CHN2: variants seen among roughly 807,000 people sequenced by gnomAD.
CHN2 encodes beta-chimaerin.
CHN2 carries 35 observed loss-of-function variants against 56.3 expected under a neutral mutation model. That is an observed-to-expected ratio of 0.62 (90% CI 0.47 to 0.82). The LOEUF (loss-of-function observed/expected upper bound fraction) is 0.82, where lower values mean the gene tolerates loss of function less well. Among genes scored for constraint, CHN2 ranks in the 40% least tolerant of loss-of-function variants. The pLI is 0.00. For missense variants in CHN2, 491 were observed against 580.5 expected (o/e 0.85, Z 1.58); for synonymous variants, 210 against 212.8 (o/e 0.99, Z 0.12).
upstream of CHN2, chr7:29,193,285 A>G (rs1476433763): frequency 6.6e-6 from 1 of 152,104 alleles, no homozygotes; most frequent in African/African-American, 2.4e-5. Flanking sequence ...CTAATCAACT[A>G]GAAAATGTGA....
chr7:29,254,986 G>A (rs1240289403), intron 1 of CHN2, among the ~76,000 whole-genome samples: 1 of 152,166 alleles, frequency 6.6e-6, no homozygotes, highest in Non-Finnish European at 1.5e-5. Context: ...CCAAGAGAGC[G>A]TGCAGGTCAT....
In CHN2 at chr7:29,265,423, C is replaced by T. The variant is rs541612751; in HGVS notation, c.49+70433C>T. On this transcript the variant is annotated intron_variant, in intron 1 of 12. Transcript: ENST00000222792. ...ACTCTCTTGAAACCTCTGGAAACCT[C>T]GTGCTCTTTTGAGTTTGACTTCTGC... Among the ~76,000 whole-genome samples the T allele has an allele frequency of 3.3e-5, 5 of 152,336 alleles. No individual in the cohort carries two copies. In the South Asian group the frequency reaches 8.3e-4, roughly 25 times the overall value.
chr7:29,504,720 A>G, intron 9 of CHN2, 24 bp from the exon 10 acceptor site: 66 of 1,316,874 alleles, frequency 5.0e-5, no homozygotes, highest in Non-Finnish European at 6.5e-5. Context: ...AGCTAAAGTC[A>G]GTCTCTCTCT....
At chr7:29,368,103 G>A in intron 3 of CHN2, 116 bp downstream of exon 3, 1 of 760,218 alleles carries the variant, frequency 1.3e-6, no homozygotes, top group Non-Finnish European at 1.9e-6. Flanking sequence ...ACATTTGTTG[G>A]AGTGTCAAAA....
chr7:29,425,560 T>A (rs1443739307), intron 6 of CHN2, among the ~76,000 whole-genome samples: 6 of 152,316 alleles, frequency 3.9e-5, no homozygotes, highest in Non-Finnish European at 1.5e-5. Flanking sequence ...CCACTTATCT[T>A]ATGGATCCTA....
At chr7:29,483,992 T>G (rs1562646501) in intron 7 of CHN2, 1 of 692,274 alleles carries the variant, frequency 1.4e-6, no homozygotes, top group African/African-American at 1.9e-5. Context: ...ATTCATTTGA[T>G]GTTAGCATCT....
At chr7:29,486,978 G>A (rs1229983328) in intron 7 of CHN2, among the ~76,000 whole-genome samples, 1 of 152,170 alleles carries the variant, frequency 6.6e-6, no homozygotes, top group Admixed American at 6.5e-5. Flanking sequence ...CCGCATGCAA[G>A]CCCCTCTCTC....
At chr7:29,472,272 T>TAC (rs113034467) in intron 6 of CHN2, among the ~76,000 whole-genome samples, 21,076 of 112,136 alleles carry the variant, frequency 0.19, 2,206 homozygotes, top group African/African-American at 0.31. Flanking sequence ...CAAAACAAAA[T>TAC]ACACACACAC....
chr7:29,268,283 A>AACACACACACACACAG (rs1554384918), intron 1 of CHN2, among the ~76,000 whole-genome samples: 2 of 134,170 alleles, frequency 1.5e-5, no homozygotes, highest in African/African-American at 5.6e-5. Context: ...GCTTCACCAG[A>AACACACACACACACAG]ACACACACAC....
At chr7:29,462,251 AG>A (rs897291194) in intron 6 of CHN2, among the ~76,000 whole-genome samples, 4 of 152,198 alleles carry the variant, frequency 2.6e-5, no homozygotes, top group African/African-American at 9.6e-5. Context: ...TTTTCACTTC[AG>A]GAGTGGAAAG....
chr7:29,220,756 CT>C (rs1470022465), intron 1 of CHN2, among the ~76,000 whole-genome samples: 2 of 152,134 alleles, frequency 1.3e-5, no homozygotes, highest in Non-Finnish European at 1.5e-5. Context: ...TACACAAACT[CT>C]TATAGAAAAT....
At chr7:29,228,617 C>G (rs1786417943) in intron 1 of CHN2, among the ~76,000 whole-genome samples, 1 of 152,202 alleles carries the variant, frequency 6.6e-6, no homozygotes, top group Non-Finnish European at 1.5e-5. Flanking sequence ...TGTATTACAT[C>G]TTTAAAATGA....
intron 1 of CHN2, among the ~76,000 whole-genome samples, chr7:29,313,118 A>C (rs1794711127): frequency 1.3e-5 from 2 of 152,114 alleles, no homozygotes; most frequent in Non-Finnish European, 2.9e-5. Context: ...TATCCCTGTC[A>C]GTCCACTCAA....
At chr7:29,388,643 G>T (rs1004422261) in intron 3 of CHN2, among the ~76,000 whole-genome samples, 5 of 152,092 alleles carry the variant, frequency 3.3e-5, no homozygotes, top group Non-Finnish European at 7.4e-5. Context: ...AGAGCCTGCC[G>T]TCTTAACCCA....
chr7:29,324,873 A>C (rs915143018), intron 1 of CHN2, among the ~76,000 whole-genome samples: 1 of 152,208 alleles, frequency 6.6e-6, no homozygotes, highest in Admixed American at 6.5e-5. Context: ...TTTTGATTAA[A>C]TATTCCCTGG....
In CHN2 at chr7:29,295,348, G is replaced by C. The variant is rs558556342; in HGVS notation, c.50-59277G>C. ...ACACACACACACACACACACACACA[G>C]ATTATAAACCCATTGAGGGCAAGAT... is the stretch of plus-strand genomic sequence containing the variant. On this transcript the variant is annotated intron_variant, in intron 1 of 12. Transcript: ENST00000222792. Among the ~76,000 whole-genome samples the C allele has an allele frequency of 3.9e-4, 30 of 75,988 alleles. No homozygotes were observed. The East Asian group carries it at 5.4e-3, about 14-fold the overall frequency. 49.9% of individuals were successfully genotyped at this position (75,988 alleles called of 152,430 possible).
At chr7:29,498,712 T>C (rs10254629) in intron 8 of CHN2, among the ~76,000 whole-genome samples, 24,447 of 151,396 alleles carry the variant, frequency 0.16, 2,159 homozygotes, top group Non-Finnish European at 0.2. Context: ...AACTTCAGCA[T>C]TGAATTTTTC....
intron 1 of CHN2, among the ~76,000 whole-genome samples, chr7:29,299,200 G>A (rs10215426): frequency 4.3e-4 from 65 of 151,928 alleles, no homozygotes; most frequent in African/African-American, 1.3e-3. Flanking sequence ...CTCCCACTGC[G>A]TAGACCGGTC....
At chr7:29,422,054 A>G (rs1212092595) in intron 6 of CHN2, among the ~76,000 whole-genome samples, 1 of 152,218 alleles carries the variant, frequency 6.6e-6, no homozygotes, top group Non-Finnish European at 1.5e-5. Flanking sequence ...AAAATGTAAC[A>G]TTCTCCTTTG....
Sources: gnomAD v4.1 joint callset for allele counts (sites outside exome capture counted in the v4.1 genomes callset) on GRCh38, gnomAD v4.1.1 for gene constraint, MANE v1.5 for transcripts, NCBI Gene and HGNC (gene_info 2026-07-23, HGNC 2026-07-21) for gene names.